MRPS6: variants seen among roughly 807,000 people sequenced by gnomAD.
MRPS6 encodes small ribosomal subunit protein bS6m.
A neutral mutation model predicts 13.1 loss-of-function variants in MRPS6; 6 were observed. The ratio of observed to expected loss-of-function variants is 0.46; its 90% CI spans 0.25 to 0.91. MRPS6 has a LOEUF of 0.91. MRPS6 is among the 40% of genes least tolerant of loss of function. MRPS6 has a pLI of 0.18. For synonymous variants in MRPS6, 61 were observed against 56.5 expected (o/e 1.08, Z -0.36); for missense variants, 164 against 155.6 (o/e 1.05, Z -0.29).
At chr21:34,082,676 C>T (rs1989485748) in intron 1 of MRPS6, among the ~76,000 whole-genome samples, 1 of 152,050 alleles carries the variant, frequency 6.6e-6, no homozygotes, top group South Asian at 2.1e-4. Flanking sequence ...TATTTTTGAC[C>T]AGGCTTTGTG....
intron 1 of MRPS6, 112 bp from the exon 2 acceptor site, chr21:34,125,229 A>T: frequency 6.8e-7 from 1 of 1,464,528 alleles, no homozygotes; most frequent in Non-Finnish European, 9.0e-7. Flanking sequence ...TTACCCAGCG[A>T]TTCCTACCAG....
chr21:34,097,290 C>T (rs1979009948), intron 1 of MRPS6: 1 of 1,612,786 alleles, frequency 6.2e-7, no homozygotes. Flanking sequence ...TAAAGTAATA[C>T]TAAATATTGG....
chr21:34,108,075 G>C (rs1435871806), intron 1 of MRPS6, among the ~76,000 whole-genome samples: 1 of 152,198 alleles, frequency 6.6e-6, no homozygotes, highest in Non-Finnish European at 1.5e-5. Flanking sequence ...AAAAGTTTCT[G>C]TAGCCTAGTG....
intron 1 of MRPS6, chr21:34,097,449 A>C: frequency 6.7e-7 from 1 of 1,485,232 alleles, no homozygotes; most frequent in Non-Finnish European, 8.9e-7. Context: ...GGCATTGTTT[A>C]CGCTGTAGGT....
intron 2 of MRPS6, among the ~76,000 whole-genome samples, chr21:34,129,615 G>A (rs1054389198): frequency 4.6e-5 from 7 of 152,312 alleles, no homozygotes; most frequent in African/African-American, 1.4e-4. Context: ...GCTCCATGGT[G>A]AATCAGTGGA....
chr21:34,095,608 C>T, intron 1 of MRPS6: 3 of 1,613,742 alleles, frequency 1.9e-6, no homozygotes, highest in Non-Finnish European at 2.5e-6. Context: ...TATATTTTCA[C>T]CAAGCTCTCG....
chr21:34,104,922 T>G, intron 1 of MRPS6: 1 of 1,000,186 alleles, frequency 1.0e-6, no homozygotes, highest in Non-Finnish European at 1.2e-6. Flanking sequence ...TATAATTTCA[T>G]GGAGAACTGC....
At chr21:34,118,829 TA>T (rs1980022173) in intron 1 of MRPS6, among the ~76,000 whole-genome samples, 1 of 152,138 alleles carries the variant, frequency 6.6e-6, no homozygotes, top group East Asian at 1.9e-4. Flanking sequence ...CCATGTTTCT[TA>T]AAAATGGCCT....
chr21:34,097,275 C>A (rs369745240), intron 1 of MRPS6: 9 of 1,613,674 alleles, frequency 5.6e-6, no homozygotes, highest in Non-Finnish European at 7.6e-6. Context: ...AGAGACTCGG[C>A]AAGTTAAAGT....
chr21:34,112,030 C>G (rs1262996107), intron 1 of MRPS6, among the ~76,000 whole-genome samples: 1 of 152,148 alleles, frequency 6.6e-6, no homozygotes, highest in African/African-American at 2.4e-5. Context: ...CTGCATCTCT[C>G]CTTTTGACTA....
chr21:34,095,592 A>G, intron 1 of MRPS6: 2 of 1,612,382 alleles, frequency 1.2e-6, no homozygotes, highest in Non-Finnish European at 1.7e-6. Flanking sequence ...CTTGTCTCTG[A>G]TTCTCTATAT....
chr21:34,088,869 GA>G (rs993020419), intron 1 of MRPS6, among the ~76,000 whole-genome samples: 5 of 150,634 alleles, frequency 3.3e-5, no homozygotes, highest in African/African-American at 4.9e-5. Context: ...GTTAGTGTAA[GA>G]TTTTTTTTTT....
At chr21:34,124,502 T>G (rs1019159442) in intron 1 of MRPS6, 2 of 151,892 alleles carry the variant, frequency 1.3e-5, no homozygotes, top group African/African-American at 4.8e-5. Flanking sequence ...TCAAGCTTTT[T>G]TTTTTTTTTT....
rs1386373661 is a variant in MRPS6, at chr21:34,142,629, G to A, written c.*29G>A. 1.3e-6 allele frequency: 2 copies of A among 1,560,930 alleles called. No homozygotes were observed. The highest frequency in any genetic ancestry group is 1.4e-5 in the African/African-American group (1 of 72,930). On this transcript the variant is annotated 3_prime_UTR_variant, in exon 3 of 3. Transcript: ENST00000399312. ...GATTCGCCAGATTTTAGCCTTATAT[G>A]TAATTCCTTCACATTTGGGCAGCAT...
chr21:34,084,342 T>C (rs1989524101), intron 1 of MRPS6, among the ~76,000 whole-genome samples: 1 of 152,178 alleles, frequency 6.6e-6, no homozygotes. Flanking sequence ...GATTTCCTTC[T>C]AGAAACAGTT....
intron 1 of MRPS6, among the ~76,000 whole-genome samples, chr21:34,088,779 T>C (rs541640893): frequency 1.3e-5 from 2 of 152,308 alleles, no homozygotes; most frequent in Admixed American, 6.5e-5. Context: ...ATAATAATTG[T>C]ACTTATCTCA....
chr21:34,085,915 T>C (rs1166842162), intron 1 of MRPS6, among the ~76,000 whole-genome samples: 1 of 152,182 alleles, frequency 6.6e-6, no homozygotes, highest in Non-Finnish European at 1.5e-5. Context: ...AATAAGGACT[T>C]TTAAACAACC....
chr21:34,073,853 T>C (rs1047912563), intron 1 of MRPS6, 108 bp downstream of exon 1: 23 of 590,916 alleles, frequency 3.9e-5, no homozygotes, highest in Non-Finnish European at 5.2e-5. Context: ...CTTCCTGCAC[T>C]CCTCGGAGGA....
chr21:34,115,374 T>C (rs1979860995), intron 1 of MRPS6, among the ~76,000 whole-genome samples: 1 of 152,194 alleles, frequency 6.6e-6, no homozygotes, highest in Non-Finnish European at 1.5e-5. Flanking sequence ...CTTGGCTTCA[T>C]TGACCACTGT....
Sources: gnomAD v4.1 joint callset for allele counts (sites outside exome capture counted in the v4.1 genomes callset) on GRCh38, gnomAD v4.1.1 for gene constraint, MANE v1.5 for transcripts, NCBI Gene and HGNC (gene_info 2026-07-23, HGNC 2026-07-21) for gene names.